CCSER1: variants seen among roughly 807,000 people sequenced by gnomAD.
CCSER1 encodes coiled-coil serine rich protein 1, also known as serine-rich coiled-coil domain-containing protein 1.
CCSER1 carries 41 observed loss-of-function variants against 82.0 expected under a neutral mutation model. The ratio of observed to expected loss-of-function variants is 0.50; its 90% confidence interval spans 0.39 to 0.65. CCSER1 has a LOEUF of 0.65. Among genes scored for constraint, CCSER1 ranks in the 30% least tolerant of loss-of-function variants. The pLI, the probability that CCSER1 is intolerant of heterozygous loss-of-function variation, is 0.00. For synonymous variants in CCSER1, 414 were observed against 383.9 expected (o/e 1.08, Z -0.92); for missense variants, 1,119 against 1,064.2 (o/e 1.05, Z -0.72).
chr4:90,378,651 T>TA (rs917966207), intron 3 of CCSER1, among the ~76,000 whole-genome samples: 1 of 152,188 alleles, frequency 6.6e-6, no homozygotes, highest in African/African-American at 2.4e-5. Context: ...CAAATATGCC[T>TA]AAGACAATGT....
At chr4:90,325,004 G>A (rs561116694) in intron 3 of CCSER1, among the ~76,000 whole-genome samples, 5 of 152,172 alleles carry the variant, frequency 3.3e-5, no homozygotes, top group African/African-American at 1.2e-4. Flanking sequence ...TATTTCTGAG[G>A]GCTCTGTTCT....
At chr4:91,501,128 T>A (rs2110093399) in intron 10 of CCSER1, among the ~76,000 whole-genome samples, 1 of 152,004 alleles carries the variant, frequency 6.6e-6, no homozygotes, top group South Asian at 2.1e-4. Flanking sequence ...TAATCAATTT[T>A]TATTTTACTA....
chr4:90,431,214 C>T (rs896714496), intron 4 of CCSER1, among the ~76,000 whole-genome samples: 1 of 152,040 alleles, frequency 6.6e-6, no homozygotes, highest in African/African-American at 2.4e-5. Context: ...AACATAGAAA[C>T]ACAGATCTCC....
intron 8 of CCSER1, among the ~76,000 whole-genome samples, chr4:90,897,545 A>G (rs1386179899): frequency 2.0e-5 from 3 of 152,016 alleles, no homozygotes; most frequent in Non-Finnish European, 4.4e-5. Context: ...TGTTTGATAA[A>G]CACTAAGGTT....
intron 6 of CCSER1, among the ~76,000 whole-genome samples, chr4:90,645,364 C>G (rs146636106): frequency 1.3e-5 from 2 of 152,206 alleles, no homozygotes; most frequent in East Asian, 3.9e-4. Context: ...GCAAGGAATT[C>G]TGTGTTATAG....
chr4:90,224,692 T>C (rs1012155624), intron 1 of CCSER1, among the ~76,000 whole-genome samples: 1 of 152,220 alleles, frequency 6.6e-6, no homozygotes, highest in Non-Finnish European at 1.5e-5. Context: ...CCACAGTTAA[T>C]GTGTAATGTT....
intron 9 of CCSER1, among the ~76,000 whole-genome samples, chr4:90,993,797 A>T (rs2126217): frequency 0.27 from 41,491 of 151,932 alleles, 6,870 homozygotes; most frequent in East Asian, 0.39. Context: ...CCTTCCAAAC[A>T]CTACCATATT....
intron 10 of CCSER1, among the ~76,000 whole-genome samples, chr4:91,550,417 C>G (rs561585624): frequency 1.3e-5 from 2 of 152,244 alleles, no homozygotes; most frequent in South Asian, 4.1e-4. Context: ...TATTGCTTCC[C>G]ATGGAAGTTT....
intron 1 of CCSER1, among the ~76,000 whole-genome samples, chr4:90,236,651 G>A (rs1483137466): frequency 6.6e-6 from 1 of 152,048 alleles, no homozygotes; most frequent in Admixed American, 6.6e-5. Context: ...TTTAGAATAA[G>A]GTGAGGTTCT....
At position 90,932,792 on chromosome 4, in the gene CCSER1, T is replaced by C. The variant is rs182876693; in HGVS notation, c.2172+9345T>C. Reference sequence around the variant, plus strand: ...GCAGTGAGCCGAGATTGTGCCACTGTACTCCAGGCTGGGTGACAGAGCAAG... The same window carrying C: ...GCAGTGAGCCGAGATTGTGCCACTGCACTCCAGGCTGGGTGACAGAGCAAG... On this transcript the variant is annotated intron_variant, in intron 9 of 10. Transcript: ENST00000509176. Among the ~76,000 whole-genome samples, 81 of 126,278 alleles carry C rather than the reference T, an allele frequency of 6.4e-4. 2 individuals carry two copies. The East Asian group carries it at 0.016, about 26-fold the overall frequency. 82.8% of individuals were successfully genotyped at this position (126,278 alleles called of 152,430 possible).
chr4:90,424,296 T>G lies in CCSER1; in HGVS notation c.1603+24167T>G, dbSNP rs529543911. Among the ~76,000 whole-genome samples the G allele has an allele frequency of 1.8e-3, 267 of 152,268 alleles. 1 individual carries two copies. Among genetic ancestry groups the G allele is most frequent in the African/African-American group, 6.2e-3 (258 of 41,552 alleles). On this transcript the variant is annotated intron_variant, in intron 4 of 10. Coordinates refer to ENST00000509176, the MANE Select transcript of CCSER1 (RefSeq NM_001145065.2). ...GAATCTGAAAAATCCATAGGGGTGATTTATTAATTCATGTATCATTGCCTT... is the reference window on the plus strand; with the variant it reads ...GAATCTGAAAAATCCATAGGGGTGAGTTATTAATTCATGTATCATTGCCTT...
chr4:90,666,123 C>T (rs991919146), intron 6 of CCSER1, among the ~76,000 whole-genome samples: 2 of 152,030 alleles, frequency 1.3e-5, no homozygotes, highest in Non-Finnish European at 2.9e-5. Context: ...TGACATCCCC[C>T]CTCTGCCACA....
intron 10 of CCSER1, among the ~76,000 whole-genome samples, chr4:91,444,186 G>C (rs1755400229): frequency 6.6e-6 from 1 of 152,058 alleles, no homozygotes; most frequent in Non-Finnish European, 1.5e-5. Flanking sequence ...TCTGTCACTA[G>C]AGTTAAAAAT....
At chr4:91,128,795 A>T (rs1031758002) in intron 10 of CCSER1, among the ~76,000 whole-genome samples, 3 of 152,102 alleles carry the variant, frequency 2.0e-5, no homozygotes, top group Admixed American at 2.0e-4. Context: ...CAGTTAGACT[A>T]GAGCAAGGCT....
At chr4:91,566,069 T>C (rs1388796667) in intron 10 of CCSER1, among the ~76,000 whole-genome samples, 1 of 152,176 alleles carries the variant, frequency 6.6e-6, no homozygotes, top group Non-Finnish European at 1.5e-5. Flanking sequence ...GTTCCTTCAA[T>C]ACCTAGTTTA....
Position 91,598,762 on chromosome 4 carries a change from T to G in CCSER1, c.2408T>G (p.Ile803Ser), listed in dbSNP as rs1210265251. The G allele has an allele frequency of 6.4e-7, 1 of 1,551,570 alleles. No homozygotes were observed. Among genetic ancestry groups the G allele is most frequent in the South Asian group, 1.2e-5 (1 of 84,062 alleles). ...FLKDKELAEV[I>S]KHSRGTYETL... ...AAGGACAAGGAACTAGCAGAAGTTA[T>G]CAAACATTCAAGAGGAACTTATGAA... is the stretch of plus-strand genomic sequence containing the variant. Residue 803 changes from isoleucine (I) to serine (S), a missense_variant, in exon 11 of 11, where the codon ATC (isoleucine) becomes AGC (serine). Transcript: ENST00000509176.
intron 7 of CCSER1, among the ~76,000 whole-genome samples, chr4:90,769,484 T>G: frequency 6.6e-6 from 1 of 152,132 alleles, no homozygotes; most frequent in African/African-American, 2.4e-5. Flanking sequence ...TACAAAGTCT[T>G]TTGACCTTAT....
At chr4:90,214,253 G>A (rs1275543300) in intron 1 of CCSER1, among the ~76,000 whole-genome samples, 2 of 152,158 alleles carry the variant, frequency 1.3e-5, no homozygotes, top group Admixed American at 6.6e-5. Flanking sequence ...AGTGGATTGG[G>A]AATGTGGAAC....
At chr4:91,228,870 G>C (rs1208936346) in intron 10 of CCSER1, among the ~76,000 whole-genome samples, 4 of 152,146 alleles carry the variant, frequency 2.6e-5, no homozygotes, top group African/African-American at 9.7e-5. Context: ...ATAGCATTCA[G>C]CTGGCCCCAG....
Sources: gnomAD v4.1 joint callset for allele counts (sites outside exome capture counted in the v4.1 genomes callset) on GRCh38, gnomAD v4.1.1 for gene constraint, MANE v1.5 for transcripts, NCBI Gene and HGNC (gene_info 2026-07-23, HGNC 2026-07-21) for gene names.